The following ZNF708 variants were observed in gnomAD, a reference collection of about 807,000 sequenced individuals.
ZNF708 encodes the protein zinc finger protein 708, also known as ZNF15, ZNF15L1.
Under a neutral mutation model 47.0 loss-of-function variants are expected in ZNF708, and 44 were observed. The observed-to-expected ratio is 0.94, with a 90% CI of 0.74 to 1.20. The LOEUF is 1.20. ZNF708 is among the 50% of genes most tolerant of loss of function. The pLI is 0.00. For synonymous variants in ZNF708, 184 were observed against 218.5 expected (o/e 0.84, Z 1.39); for missense variants, 557 against 656.0 (o/e 0.85, Z 1.65).
At chr19:21,296,271 C>A (rs547500789) in intron 3 of ZNF708, among the ~76,000 whole-genome samples, 1 of 151,716 alleles carries the variant, frequency 6.6e-6, no homozygotes, top group Non-Finnish European at 1.5e-5. Flanking sequence ...AAGGCCGAGG[C>A]GGGCGGATCA....
At position 21,293,460 on chromosome 19, in the gene ZNF708, T is replaced by C. The variant is rs1178658676; in HGVS notation, c.1506A>G (p.Lys502=). ...TTHKIIHTGE[K]PYKCKECGKA... is the part of the protein sequence containing the mutation. ...TGCCACATTCTTTACATTTGTAGGG[T>C]TTCTCTCCAGTATGAATTATCTTAT... The change falls in exon 4 of 4, where the codon AAA becomes AAG. Residue 502 remains lysine, a synonymous_variant. Transcript: ENST00000356929. 3.7e-6 allele frequency: 6 copies of C among 1,613,578 alleles called. No individual in the cohort carries two copies. The South Asian group carries it at 6.6e-5, about 18-fold the overall frequency.
intron 1 of ZNF708, among the ~76,000 whole-genome samples, chr19:21,312,603 A>G (rs1421986299): frequency 6.6e-6 from 1 of 152,214 alleles, no homozygotes; most frequent in African/African-American, 2.4e-5. Context: ...TTAGCCAAGC[A>G]TTGCCTCTCA....
chr19:21,305,799 C>G (rs1196714422), intron 3 of ZNF708, among the ~76,000 whole-genome samples: 1 of 151,936 alleles, frequency 6.6e-6, no homozygotes, highest in Non-Finnish European at 1.5e-5. Context: ...TAGATAAACA[C>G]CCTTGAAAAA....
At chr19:21,297,462 G>T (rs1438457669) in intron 3 of ZNF708, among the ~76,000 whole-genome samples, 3 of 132,886 alleles carry the variant, frequency 2.3e-5, no homozygotes, top group Non-Finnish European at 5.0e-5. Flanking sequence ...GTACCACAAA[G>T]AAAATATCTG....
At chr19:21,300,504 CTA>C (rs1972636428) in intron 3 of ZNF708, among the ~76,000 whole-genome samples, 1 of 133,452 alleles carries the variant, frequency 7.5e-6, no homozygotes, top group African/African-American at 2.8e-5. Flanking sequence ...GAAACTCTGT[CTA>C]AAAAAAAAAA....
At chr19:21,297,266 ATATATTTTTTTTTTTTT>A (rs1331447183) in intron 3 of ZNF708, among the ~76,000 whole-genome samples, 196 of 14,836 alleles carry the variant, frequency 0.013, no homozygotes, top group African/African-American at 0.036. Context: ...ATATATATAT[ATATATTTTTTTTTTTTT>A]TTTTTTTTTT....
At chr19:21,312,491 T>C (rs1381224724) in intron 1 of ZNF708, among the ~76,000 whole-genome samples, 1 of 151,960 alleles carries the variant, frequency 6.6e-6, no homozygotes, top group African/African-American at 2.4e-5. Context: ...CATGGATGTG[T>C]CCACCTGGAG....
Position 21,293,647 on chromosome 19 carries a change from AC to A in ZNF708, c.1318del (p.Val440Ter), listed in dbSNP as rs1972447266. The A allele has an allele frequency of 2.5e-6, 4 of 1,611,970 alleles. No individual in the cohort carries two copies. Among genetic ancestry groups the A allele is most frequent in the Non-Finnish European group, 8.5e-7 (1 of 1,179,538 alleles). ...SIFSILTKHK[V>X]IHTEDKPYKC... is the part of the protein sequence containing the mutation. ...GTAGGGTTTGTCTTCAGTATGAATT[AC>A]TTTATGTTTAGTAAGGATTGAGAAT... On this transcript the variant is annotated frameshift_variant, in exon 4 of 4. Coordinates refer to ENST00000356929, the MANE Select transcript of ZNF708 (RefSeq NM_021269.3). LOFTEE classifies it high-confidence loss of function.
At chr19:21,299,284 C>G (rs1030887465) in intron 3 of ZNF708, among the ~76,000 whole-genome samples, 34 of 152,044 alleles carry the variant, frequency 2.2e-4, no homozygotes, top group Middle Eastern at 3.4e-3. Context: ...ACCTGGGAGG[C>G]AGAGGTTGCA....
chr19:21,301,993 G>T (rs567261828), intron 3 of ZNF708, among the ~76,000 whole-genome samples: 1 of 152,248 alleles, frequency 6.6e-6, no homozygotes, highest in East Asian at 1.9e-4. Context: ...AGGCACTGTG[G>T]TTCGGGCCTA....
chr19:21,323,196 A>G (rs1973186885), intron 1 of ZNF708, among the ~76,000 whole-genome samples: 1 of 152,168 alleles, frequency 6.6e-6, no homozygotes, highest in South Asian at 2.1e-4. Context: ...CGAAAGAAAC[A>G]CCCTTCCCAT....
At chr19:21,301,452 A>T (rs939945713) in intron 3 of ZNF708, among the ~76,000 whole-genome samples, 33 of 151,562 alleles carry the variant, frequency 2.2e-4, no homozygotes, top group Admixed American at 3.9e-4. Flanking sequence ...ATCTCTACTA[A>T]AAATACAAAA....
Position 21,329,341 on chromosome 19 carries a change from G to A in ZNF708, c.-129C>T. 6.9e-7 allele frequency: 1 copy of A among 1,440,180 alleles called. No homozygotes were observed. Among genetic ancestry groups the A allele is most frequent in the Non-Finnish European group, 9.6e-7 (1 of 1,040,288 alleles). The allele number at this position is 1,440,180 out of a possible 1,614,324, so 89.2% of individuals were successfully genotyped here. A position where few individuals can be genotyped will look rare whatever the true frequency, so the allele number is the denominator to read the frequency against. On this transcript the variant is annotated 5_prime_UTR_variant, in exon 1 of 4. Coordinates refer to ENST00000356929, the MANE Select transcript of ZNF708 (RefSeq NM_021269.3). ...CAGTGAAGACGAGACCGGAGCTCCG[G>A]CTGCAGCAAGAGACAAAGGCCGCGC...
At chr19:21,320,061 A>T (rs541010276) in intron 1 of ZNF708, among the ~76,000 whole-genome samples, 1 of 152,264 alleles carries the variant, frequency 6.6e-6, no homozygotes, top group African/African-American at 2.4e-5. Flanking sequence ...CTGTAATCCT[A>T]GCTATTCAGG....
chr19:21,310,676 A>G (rs776639165), intron 1 of ZNF708, 49 bp from the exon 2 acceptor site: 3 of 1,371,994 alleles, frequency 2.2e-6, no homozygotes, highest in South Asian at 3.7e-5. Context: ...TTATGGACAG[A>G]ATTTTTAATT....
At chr19:21,328,125 C>A in intron 1 of ZNF708, 1 of 431,766 alleles carries the variant, frequency 2.3e-6, no homozygotes, top group Non-Finnish European at 3.1e-6. Context: ...GTAAAGTTTC[C>A]AAAGAAAAAC....
At chr19:21,325,524 T>A (rs942341457) in intron 1 of ZNF708, among the ~76,000 whole-genome samples, 1 of 152,184 alleles carries the variant, frequency 6.6e-6, no homozygotes, top group African/African-American at 2.4e-5. Flanking sequence ...TGTAGGAGAA[T>A]GAAACTGGAT....
At chr19:21,312,065 G>T (rs546866842) in intron 1 of ZNF708, among the ~76,000 whole-genome samples, 2 of 152,016 alleles carry the variant, frequency 1.3e-5, no homozygotes, top group African/African-American at 2.4e-5. Context: ...GGGGCCAAGG[G>T]GGGTGGATCT....
chr19:21,321,367 C>T (rs1973132619), intron 1 of ZNF708, among the ~76,000 whole-genome samples: 1 of 151,962 alleles, frequency 6.6e-6, no homozygotes, highest in African/African-American at 2.4e-5. Context: ...GCAGATGAAT[C>T]ACTTGAGGTC....
Sources: gnomAD v4.1 joint callset for allele counts (sites outside exome capture counted in the v4.1 genomes callset) on GRCh38, gnomAD v4.1.1 for gene constraint, MANE v1.5 for transcripts, NCBI Gene and HGNC (gene_info 2026-07-23, HGNC 2026-07-21) for gene names.